STX7: variants seen among roughly 807,000 people sequenced by gnomAD.
STX7 encodes the protein syntaxin-7.
Under a neutral mutation model 39.6 loss-of-function variants are expected in STX7, and 34 were observed. That is an observed-to-expected ratio of 0.86 (90% CI 0.65 to 1.14). STX7 has a LOEUF of 1.14. Ranked by LOEUF, STX7 falls within the 50% of genes most tolerant of loss-of-function variation. STX7 has a pLI of 0.00. For synonymous variants in STX7, 119 were observed against 99.1 expected, an observed-to-expected ratio of 1.20 and a Z score of -1.19; for missense variants, 284 against 310.4, an observed-to-expected ratio of 0.92 and a Z score of 0.64.
rs1057170930 is a variant in STX7, at chr6:132,456,898, C to T, written c.*3860G>A. ...GAGTTGACCATGAGAAAAGGAGAGA[C>T]CATCTTTCCTCAGAGGCCACTGCAG... is the stretch of plus-strand genomic sequence containing the variant. On this transcript the variant is annotated 3_prime_UTR_variant, in exon 10 of 10. Transcript: ENST00000367941. 6.6e-6 allele frequency: 1 copy of T among 152,278 alleles called. No homozygotes were observed. Among genetic ancestry groups the T allele is most frequent in the East Asian group, 1.9e-4 (1 of 5,194 alleles). The allele number at this position is 152,278 out of a possible 1,614,324, so 9.4% of individuals were successfully genotyped here.
chr6:132,493,490 T>C (rs1775345868), intron 2 of STX7, among the ~76,000 whole-genome samples: 1 of 152,076 alleles, frequency 6.6e-6, no homozygotes, highest in Non-Finnish European at 1.5e-5. Flanking sequence ...TCTCATGAGA[T>C]CTGATGGATT....
chr6:132,478,645 A>G (rs1382818284), intron 2 of STX7, among the ~76,000 whole-genome samples: 1 of 152,216 alleles, frequency 6.6e-6, no homozygotes, highest in Non-Finnish European at 1.5e-5. Context: ...GAGAATGCAG[A>G]AGGCTAATGC....
rs1276120576 is a variant in STX7 at position 132,447,481 on chromosome 6, T to C, written c.*13277A>G. 6.6e-6 allele frequency: 1 copy of C among 152,216 alleles called. No homozygotes were observed. The highest frequency in any genetic ancestry group is 2.4e-5 in the African/African-American group (1 of 41,458). 9.4% of individuals were successfully genotyped at this position (152,216 alleles called of 1,614,324 possible). A position where few individuals can be genotyped will look rare whatever the true frequency, so the allele number is the denominator to read the frequency against. ...CTTTATGTATTAATTGAATCAACTTTGGTTACCATGTTGTTCTATTTACTT... is the reference window on the plus strand; with the variant it reads ...CTTTATGTATTAATTGAATCAACTTCGGTTACCATGTTGTTCTATTTACTT... On this transcript the variant is annotated 3_prime_UTR_variant, in exon 10 of 10. Coordinates refer to ENST00000367941, the MANE Select transcript of STX7 (RefSeq NM_003569.3).
chr6:132,487,899 G>T (rs1277709292), intron 2 of STX7, among the ~76,000 whole-genome samples: 1 of 151,360 alleles, frequency 6.6e-6, no homozygotes, highest in South Asian at 2.1e-4. Flanking sequence ...TTCTCCCTTC[G>T]ATTTCCACTA....
intron 8 of STX7, among the ~76,000 whole-genome samples, chr6:132,464,952 CT>C (rs1208931039): frequency 2.6e-5 from 4 of 152,162 alleles, no homozygotes; most frequent in Non-Finnish European, 5.9e-5. Context: ...CCTACCAGCT[CT>C]CAGCTTTAAG....
chr6:132,464,856 C>T (rs1774520711), intron 8 of STX7, among the ~76,000 whole-genome samples: 1 of 152,114 alleles, frequency 6.6e-6, no homozygotes, highest in Admixed American at 6.5e-5. Context: ...CAATTGGTGG[C>T]AGTTTTTCTT....
At position 132,449,753 on chromosome 6, in the gene STX7, C is replaced by G. The variant is rs904881380; in HGVS notation, c.*11005G>C. The G allele has an allele frequency of 2.6e-5, 4 of 152,176 alleles. No individual in the cohort carries two copies. The highest frequency in any genetic ancestry group is 1.5e-5 in the Non-Finnish European group (1 of 68,028). The allele number at this position is 152,176 out of a possible 1,614,324, so 9.4% of individuals were successfully genotyped here. A position where few individuals can be genotyped will look rare whatever the true frequency, so the allele number is the denominator to read the frequency against. ...AATATCTGCCTTTTAACACATCTCT[C>G]ATTTCATGTTCGTTTTAATTCATAC... On this transcript the variant is annotated 3_prime_UTR_variant, in exon 10 of 10. Transcript: ENST00000367941.
In STX7 at chr6:132,452,098, A is replaced by T. The variant is rs1774147309; in HGVS notation, c.*8660T>A. 1.3e-5 allele frequency: 2 copies of T among 152,206 alleles called. No individual in the cohort carries two copies. The highest frequency in any genetic ancestry group is 2.9e-5 in the Non-Finnish European group (2 of 68,032). The allele number at this position is 152,206 out of a possible 1,614,324, so 9.4% of individuals were successfully genotyped here. A position where few individuals can be genotyped will look rare whatever the true frequency, so the allele number is the denominator to read the frequency against. ...ATGGCTCAACATTCAAAAATCAATC[A>T]ATGTATCTACCACATGAATGGGCTA... On this transcript the variant is annotated 3_prime_UTR_variant, in exon 10 of 10. Transcript: ENST00000367941.
rs138216283 is a variant in STX7, at chr6:132,507,553, G to A, written c.-58-3965C>T. Among the ~76,000 whole-genome samples, 444 of 152,300 alleles carry A rather than the reference G, an allele frequency of 2.9e-3. 4 individuals carry two copies. The highest frequency in any genetic ancestry group is 9.1e-3 in the South Asian group (44 of 4,814). ...CTATTCTGGACATTTCATAGGAATG[G>A]AATCATACAATGTGTTCTTCGAGAC... On this transcript the variant is annotated intron_variant, in intron 1 of 9. Transcript: ENST00000367941.
At chr6:132,472,743 GT>G (rs1774763387) in intron 3 of STX7, among the ~76,000 whole-genome samples, 2 of 152,132 alleles carry the variant, frequency 1.3e-5, no homozygotes, top group Admixed American at 1.3e-4. Context: ...CACCTGGAAG[GT>G]CAGGTAAGCA....
intron 2 of STX7, among the ~76,000 whole-genome samples, chr6:132,486,901 A>C (rs1483804891): frequency 2.0e-5 from 3 of 152,084 alleles, no homozygotes; most frequent in Admixed American, 2.0e-4. Flanking sequence ...TCCCGACATC[A>C]GGTGATTCGC....
chr6:132,458,165 C>T lies in STX7; in HGVS notation c.*2593G>A, dbSNP rs1448455349. On this transcript the variant is annotated 3_prime_UTR_variant, in exon 10 of 10. Coordinates refer to ENST00000367941, the MANE Select transcript of STX7 (RefSeq NM_003569.3). The stretch of plus-strand genomic sequence containing the variant: ...CAATTTTTAACAAAAGCAGTGAAGA[C>T]ACTAAATAACCCAGTGGCGACCTCT... 6.6e-6 allele frequency: 1 copy of T among 152,158 alleles called. No individual in the cohort carries two copies. The highest frequency in any genetic ancestry group is 1.5e-5 in the Non-Finnish European group (1 of 68,020). 9.4% of individuals were successfully genotyped at this position (152,158 alleles called of 1,614,324 possible).
At chr6:132,493,033 C>T (rs1775334447) in intron 2 of STX7, among the ~76,000 whole-genome samples, 1 of 152,160 alleles carries the variant, frequency 6.6e-6, no homozygotes, top group South Asian at 2.1e-4. Context: ...GAACAGTCCA[C>T]AGACTAGGAC....
rs1258659790 is a variant in STX7 at position 132,447,909 on chromosome 6, C to T, written c.*12849G>A. 1 of 151,820 alleles carries T rather than the reference C, an allele frequency of 6.6e-6. No homozygotes were observed. The highest frequency in any genetic ancestry group is 1.5e-5 in the Non-Finnish European group (1 of 67,950). The allele number at this position is 151,820 out of a possible 1,614,324, so 9.4% of individuals were successfully genotyped here. Reference sequence around the variant, plus strand: ...ATGCCATTTCTTTGCTTTTTCTATGCTTTTTCTTCCTTCTTGCATTTTTGT... The same window carrying T: ...ATGCCATTTCTTTGCTTTTTCTATGTTTTTTCTTCCTTCTTGCATTTTTGT... On this transcript the variant is annotated 3_prime_UTR_variant, in exon 10 of 10. Coordinates refer to ENST00000367941, the MANE Select transcript of STX7 (RefSeq NM_003569.3).
intron 3 of STX7, among the ~76,000 whole-genome samples, chr6:132,473,694 T>C (rs943512091): frequency 5.9e-5 from 9 of 152,098 alleles, no homozygotes; most frequent in Admixed American, 4.6e-4. Flanking sequence ...TTAATTGTGA[T>C]GTTTTACAAA....
At chr6:132,495,252 G>A (rs1449338458) in intron 2 of STX7, among the ~76,000 whole-genome samples, 1 of 152,188 alleles carries the variant, frequency 6.6e-6, no homozygotes, top group Non-Finnish European at 1.5e-5. Context: ...TCACTGAAGA[G>A]AAGAAAAGTT....
chr6:132,446,759 A>G lies in STX7; in HGVS notation c.*13999T>C, dbSNP rs1774022142. 1 of 152,150 alleles carries G rather than the reference A, an allele frequency of 6.6e-6. No homozygotes were observed. Among genetic ancestry groups the G allele is most frequent in the Non-Finnish European group, 1.5e-5 (1 of 68,022 alleles). 9.4% of individuals were successfully genotyped at this position (152,150 alleles called of 1,614,324 possible). A position where few individuals can be genotyped will look rare whatever the true frequency, so the allele number is the denominator to read the frequency against. ...CACACACTGCCCTAATTGGATCACC[A>G]ATTGGAGGAAAGTAAGTCACAAGCT... On this transcript the variant is annotated 3_prime_UTR_variant, in exon 10 of 10. Coordinates refer to ENST00000367941, the MANE Select transcript of STX7 (RefSeq NM_003569.3).
At chr6:132,503,296 T>C (rs1313740899) in intron 2 of STX7, 150 bp downstream of exon 2, 1 of 557,072 alleles carries the variant, frequency 1.8e-6, no homozygotes, top group Non-Finnish European at 3.2e-6. Context: ...TTCTCTTGCA[T>C]TCATTCTAAA....
At chr6:132,463,915 C>T in intron 9 of STX7, 78 bp downstream of exon 9, 2 of 1,379,744 alleles carry the variant, frequency 1.4e-6, no homozygotes, top group Non-Finnish European at 2.1e-6. Context: ...CTAATCTCTC[C>T]CTGCTTCCTC....
Sources: allele counts gnomAD v4.1 joint callset (sites outside exome capture counted in the v4.1 genomes callset), GRCh38; gene constraint gnomAD v4.1.1; transcripts MANE v1.5; gene names NCBI Gene and HGNC (gene_info 2026-07-23, HGNC 2026-07-21).